Variants in TCF20 observed in about 807,000 individuals in gnomAD.
TCF20 encodes the protein SPRE-binding protein.
In TCF20, 3 loss-of-function variants were observed where a neutral mutation model predicts 148.6. That is an observed-to-expected ratio of 0.02 (90% CI 0.01 to 0.05). The LOEUF is 0.05. TCF20 is among the 10% of genes least tolerant of loss of function. The pLI is 1.00. For missense variants in TCF20, 2,350 were observed against 2,429.3 expected (o/e 0.97, Z 0.69); for synonymous variants, 1,049 against 909.5 (o/e 1.15, Z -2.76).
rs1482642625 is a variant in TCF20 at position 42,210,037 on chromosome 22, A to C, written c.5269T>G (p.Ser1757Ala). Residue 1757 changes from serine (S) to alanine (A), a missense_variant, in exon 2 of 6, where the codon TCT becomes GCT. Coordinates refer to ENST00000677622, the MANE Select transcript of TCF20 (RefSeq NM_001378418.1). This position sits in a 1 kb window ranked among gnomAD's most constrained non-coding sequence, Gnocchi z 4.7. Reference sequence around the variant, plus strand: ...TCAGTGTCCGTCTTGGAGCCATTAGAAGCACTTTTGTGCCGTACCTTAACT... The same window carrying C: ...TCAGTGTCCGTCTTGGAGCCATTAGCAGCACTTTTGTGCCGTACCTTAACT... ...SKVKVRHKSA[S>A]NGSKTDTEEE... The C allele has an allele frequency of 6.2e-7, 1 of 1,612,926 alleles. No individual in the cohort carries two copies. Among genetic ancestry groups the C allele is most frequent in the Non-Finnish European group, 8.5e-7 (1 of 1,180,024 alleles).
chr22:42,233,780 T>A (rs1427786203), intron 1 of TCF20, among the ~76,000 whole-genome samples: 1 of 152,200 alleles, frequency 6.6e-6, no homozygotes, highest in Non-Finnish European at 1.5e-5. Flanking sequence ...AGGGTTTCCA[T>A]AATCCCTACC....
chr22:42,265,502 T>G (rs1030434603), intron 1 of TCF20, among the ~76,000 whole-genome samples: 1 of 152,192 alleles, frequency 6.6e-6, no homozygotes, highest in African/African-American at 2.4e-5. Context: ...CAGGTCTCAC[T>G]ATGTTGCCCA....
intron 1 of TCF20, among the ~76,000 whole-genome samples, chr22:42,301,379 G>A (rs1007003644): frequency 2.0e-5 from 3 of 152,182 alleles, no homozygotes; most frequent in East Asian, 1.9e-4. Flanking sequence ...GGAGACAGAC[G>A]TGACCACACA....
chr22:42,199,651 C>T (rs904134583), intron 2 of TCF20, among the ~76,000 whole-genome samples: 1 of 142,086 alleles, frequency 7.0e-6, no homozygotes, highest in African/African-American at 2.7e-5. Flanking sequence ...AAGTGGATCA[C>T]CTGAGGTCAG....
Position 42,213,274 on chromosome 22 carries a change from C to T in TCF20, c.2032G>A (p.Glu678Lys), listed in dbSNP as rs1332345278. 6.2e-6 allele frequency: 10 copies of T among 1,614,204 alleles called. No individual in the cohort carries two copies. Among genetic ancestry groups the T allele is most frequent in the African/African-American group, 2.7e-5 (2 of 75,042 alleles). ...GAGTGGCCACTCTGGCCATTTCCTT[C>T]TCCATTATGGTTGGAGTTGTTATCG... ...NGDNNSNHNGEGNGQSGHSAA... is the reference protein window; with the variant it reads ...NGDNNSNHNGKGNGQSGHSAA... The change falls in exon 2 of 6, where the codon GAA becomes AAA. Residue 678 changes from glutamate to lysine, a missense_variant. Glu to Lys is a moderately conservative substitution (Grantham distance 56). Around this residue, in one of 7 missense-constraint regions of TCF20, gnomAD observed 1,641 missense variants for 1,662.6 expected, o/e 0.99. Transcript: ENST00000677622.
At chr22:42,204,365 C>T (rs1217656674) in intron 2 of TCF20, among the ~76,000 whole-genome samples, 9 of 152,160 alleles carry the variant, frequency 5.9e-5, no homozygotes, top group East Asian at 1.9e-4. Flanking sequence ...TGTGGTGGCA[C>T]GCACCTGTAA....
At position 42,211,205 on chromosome 22, in the gene TCF20, GCTC is replaced by G. The variant is rs1569145814; in HGVS notation, c.4098_4100del (p.Arg1366del). ...CAGCCTCCGCACTGTTCGAAGATGC[GCTC>G]CTCCTAATATTTGGGGATGTAATCT... On this transcript the variant is annotated inframe_deletion, in exon 2 of 6. Transcript: ENST00000677622. 2 of 1,614,134 alleles carry G rather than the reference GCTC, an allele frequency of 1.2e-6. No individual in the cohort carries two copies. The highest frequency in any genetic ancestry group is 1.1e-5 in the South Asian group (1 of 91,080).
intron 1 of TCF20, among the ~76,000 whole-genome samples, chr22:42,256,723 G>C (rs1195412970): frequency 1.3e-5 from 2 of 152,184 alleles, no homozygotes; most frequent in Non-Finnish European, 2.9e-5. Flanking sequence ...CATCTGTTTA[G>C]TAATGTACAG....
Position 42,213,235 on chromosome 22 carries a change from C to T in TCF20, c.2071G>A (p.Gly691Ser). 6.2e-7 allele frequency: 1 copy of T among 1,614,172 alleles called. No individual in the cohort carries two copies. Among genetic ancestry groups the T allele is most frequent in the African/African-American group, 1.3e-5 (1 of 75,032 alleles). The part of the protein sequence containing the change: ...GQSGHSAAGP[G>S]FTSRTEPSKS... ...CTAGGCTCAGTTCTGCTCGTAAAAC[C>T]AGGGCCCGCTGCAGAGTGGCCACTC... Residue 691 changes from glycine to serine, a missense_variant, in exon 2 of 6, where the codon GGT (glycine) becomes AGT (serine). By Grantham distance (56) the Gly-to-Ser change is moderately conservative. This residue lies in a region of TCF20 where 1,641 missense variants were observed against 1,662.6 expected (regional missense o/e 0.99). Transcript: ENST00000677622.
At chr22:42,196,929 C>A (rs1245425036) in intron 2 of TCF20, among the ~76,000 whole-genome samples, 2 of 152,080 alleles carry the variant, frequency 1.3e-5, no homozygotes, top group African/African-American at 4.8e-5. Flanking sequence ...TGTAGCAGTT[C>A]TTCAATTCTA....
intron 5 of TCF20, among the ~76,000 whole-genome samples, chr22:42,164,203 CATTT>C (rs1188957945): frequency 1.4e-5 from 2 of 140,168 alleles, no homozygotes; most frequent in Non-Finnish European, 3.0e-5. Flanking sequence ...GGGATGCACT[CATTT>C]CTTTCTTTTT....
In TCF20 at chr22:42,213,411, G is replaced by A; in HGVS notation, c.1895C>T (p.Pro632Leu). 1 of 1,614,210 alleles carries A rather than the reference G, an allele frequency of 6.2e-7. No homozygotes were observed. Among genetic ancestry groups the A allele is most frequent in the Non-Finnish European group, 8.5e-7 (1 of 1,180,044 alleles). ...GCTAGGTGGCCTTTGAGTGGCTGCA[G>A]GATCATCCTCTTGGGAGCCTTTATC... ...GQDKGSQEDDPAATQRPPSNG... is the reference protein window; with the variant it reads ...GQDKGSQEDDLAATQRPPSNG... The change falls in exon 2 of 6, where the codon CCT becomes CTT. Residue 632 changes from proline (P) to leucine (L), a missense_variant. Pro to Leu is a moderately conservative substitution (Grantham distance 98, BLOSUM62 -3). Coordinates refer to ENST00000677622, the MANE Select transcript of TCF20 (RefSeq NM_001378418.1).
chr22:42,303,359 A>G (rs1927372371), intron 1 of TCF20, among the ~76,000 whole-genome samples: 1 of 152,228 alleles, frequency 6.6e-6, no homozygotes, highest in Admixed American at 6.5e-5. Flanking sequence ...AGGCTCAGAG[A>G]GGTCCGGCTC....
In TCF20 at chr22:42,215,235, G is replaced by A. The variant is rs1921629229; in HGVS notation, c.71C>T (p.Ser24Leu). The A allele has an allele frequency of 7.4e-6, 12 of 1,614,212 alleles. No individual in the cohort carries two copies. Among genetic ancestry groups the A allele is most frequent in the South Asian group, 1.1e-5 (1 of 91,086 alleles). The change falls in exon 2 of 6, where the codon TCA becomes TTA. Residue 24 changes from serine to leucine, a missense_variant. Coordinates refer to ENST00000677622, the MANE Select transcript of TCF20 (RefSeq NM_001378418.1). ...AGGGCTGAACTCTTCTAGCCGGGAT[G>A]AGCCGTGTACCTCCTGTGGGTAGCT... Reference protein sequence around the residue: ...QQSYPQEVHGSSRLEEFSPRQ... With the variant: ...QQSYPQEVHGLSRLEEFSPRQ...
intron 1 of TCF20, among the ~76,000 whole-genome samples, chr22:42,252,378 G>A (rs753973558): frequency 1.1e-4 from 16 of 151,992 alleles, no homozygotes; most frequent in Non-Finnish European, 1.6e-4. Flanking sequence ...CTTTGGGAGA[G>A]CTAACACCTA....
chr22:42,183,210 T>A (rs914472669), intron 2 of TCF20, among the ~76,000 whole-genome samples: 1 of 152,204 alleles, frequency 6.6e-6, no homozygotes, highest in African/African-American at 2.4e-5. Flanking sequence ...GATTACTGGA[T>A]TACTGGTTTC....
upstream of TCF20, among the ~76,000 whole-genome samples, chr22:42,285,861 CAT>C (rs1294166602): frequency 6.6e-6 from 1 of 152,148 alleles, no homozygotes. The surrounding 1 kb of genome is among the most constrained non-coding windows in gnomAD (Gnocchi z 4.2). Flanking sequence ...TCCTGCGTTA[CAT>C]GAGGGTCTCG....
At chr22:42,248,319 GC>G (rs1266520638) in intron 1 of TCF20, among the ~76,000 whole-genome samples, 1 of 152,216 alleles carries the variant, frequency 6.6e-6, no homozygotes, top group African/African-American at 2.4e-5. Context: ...AGAGTTGCAT[GC>G]CAGCCCTGGC....
intron 1 of TCF20, among the ~76,000 whole-genome samples, chr22:42,260,798 G>A (rs1204900732): frequency 6.6e-6 from 1 of 152,132 alleles, no homozygotes; most frequent in Non-Finnish European, 1.5e-5. Context: ...CTTATGTTTT[G>A]AATATAACGC....
Sources: allele counts gnomAD v4.1 joint callset (sites outside exome capture counted in the v4.1 genomes callset), GRCh38; gene constraint gnomAD v4.1.1; regional missense constraint gnomAD v4.1.1; non-coding constraint Gnocchi (gnomAD v3.1); transcripts MANE v1.5; gene names NCBI Gene and HGNC (gene_info 2026-07-23, HGNC 2026-07-21).